Variants in ANKRD11 observed in about 807,000 individuals in gnomAD.
The protein encoded by ANKRD11 is ankyrin repeat domain 11, also known as ankyrin repeat domain-containing protein 11.
A neutral mutation model predicts 195.7 loss-of-function variants in ANKRD11; 17 were observed. That is an observed-to-expected ratio of 0.09 (90% CI 0.06 to 0.13). The LOEUF (loss-of-function observed/expected upper bound fraction) is 0.13. ANKRD11 is among the 10% of genes least tolerant of loss of function. The pLI, the probability that ANKRD11 is intolerant of heterozygous loss-of-function variation, is 1.00. For missense variants in ANKRD11, 3,735 were observed against 3,566.1 expected, an observed-to-expected ratio of 1.05 and a Z score of -1.21; for synonymous variants, 1,953 against 1,528.1, an observed-to-expected ratio of 1.28 and a Z score of -6.49.
intron 1 of ANKRD11, among the ~76,000 whole-genome samples, chr16:89,455,731 C>T (rs1218691941): frequency 6.6e-6 from 1 of 152,186 alleles, no homozygotes; most frequent in Admixed American, 6.5e-5. Context: ...AAGAGTGCCG[C>T]AGACTCAATT....
intron 1 of ANKRD11, among the ~76,000 whole-genome samples, chr16:89,486,902 G>C (rs1434234090): frequency 1.3e-5 from 2 of 151,864 alleles, no homozygotes; most frequent in Admixed American, 6.6e-5. Context: ...CCAGCTACTT[G>C]GGAGGCTGAG....
At chr16:89,369,615 G>T (rs1297743486) in intron 2 of ANKRD11, among the ~76,000 whole-genome samples, 1 of 151,788 alleles carries the variant, frequency 6.6e-6, no homozygotes, top group Non-Finnish European at 1.5e-5. Context: ...TGGAAAGGGA[G>T]GGGGTGCGGT....
Position 89,282,007 on chromosome 16 carries a change from C to G in ANKRD11, c.4535G>C (p.Arg1512Pro). Residue 1512 changes from arginine to proline, a missense_variant, in exon 9 of 13, where the codon CGC becomes CCC. Physicochemically the swap from Arg to Pro is moderately radical, Grantham distance 103. Transcript: ENST00000301030. ...PATRDKDSPPRVLKDKSRDEG... is the reference protein window; with the variant it reads ...PATRDKDSPPPVLKDKSRDEG... ...GTCCCTGGACTTGTCTTTGAGCACGCGGGGCGGGCTGTCCTTGTCCCTGGT... is the reference window on the plus strand; with the variant it reads ...GTCCCTGGACTTGTCTTTGAGCACGGGGGGCGGGCTGTCCTTGTCCCTGGT... 4 of 1,613,330 alleles carry G rather than the reference C, an allele frequency of 2.5e-6. No homozygotes were observed. The highest frequency in any genetic ancestry group is 1.1e-5 in the South Asian group (1 of 91,076).
chr16:89,278,997 G>A, intron 9 of ANKRD11, 75 bp downstream of exon 9: 11 of 1,582,990 alleles, frequency 6.9e-6, no homozygotes, highest in Non-Finnish European at 8.6e-6. Context: ...AGACGGGCTG[G>A]AGGAAGCCGT....
intron 1 of ANKRD11, among the ~76,000 whole-genome samples, chr16:89,440,801 G>A (rs1480414099): frequency 5.3e-5 from 8 of 152,176 alleles, no homozygotes; most frequent in Admixed American, 2.6e-4. Flanking sequence ...AAGCCTGCCG[G>A]GACTGAAAAT....
chr16:89,419,114 G>C (rs1450812758), intron 1 of ANKRD11, among the ~76,000 whole-genome samples: 2 of 152,176 alleles, frequency 1.3e-5, no homozygotes, highest in Non-Finnish European at 2.9e-5. Context: ...TTTCCACTGA[G>C]TATTTTAAGA....
At position 89,490,444 on chromosome 16, in the gene ANKRD11, C is replaced by A. The variant is rs1203349454; in HGVS notation, c.-344G>T. ...CCCTCGGGCGCGCCCACGGCTCGGG[C>A]GAGAGCCGCGGCTCCCGGTGCGGAC... On this transcript the variant is annotated 5_prime_UTR_variant, in exon 1 of 13. Coordinates refer to ENST00000301030, the MANE Select transcript of ANKRD11 (RefSeq NM_013275.6). The A allele has an allele frequency of 2.8e-6, 1 of 360,410 alleles. No individual in the cohort carries two copies. Among genetic ancestry groups the A allele is most frequent in the South Asian group, 8.2e-5 (1 of 12,152 alleles). 22.3% of individuals were successfully genotyped at this position (360,410 alleles called of 1,614,324 possible).
chr16:89,287,021 T>C (rs1045005913), intron 7 of ANKRD11: 1 of 1,289,598 alleles, frequency 7.8e-7, no homozygotes, highest in Non-Finnish European at 1.0e-6. Flanking sequence ...GAGTTTTCTA[T>C]GGTGACTACA....
chr16:89,288,374 C>T, intron 7 of ANKRD11, 154 bp downstream of exon 7: 1 of 1,232,582 alleles, frequency 8.1e-7, no homozygotes, highest in South Asian at 1.3e-5. Flanking sequence ...TGGGGGCAGA[C>T]AGAGGGCACA....
Position 89,291,314 on chromosome 16 carries a change from G to T in ANKRD11, c.227-131C>A. 8.5e-7 allele frequency: 1 copy of T among 1,181,618 alleles called. No homozygotes were observed. Among genetic ancestry groups the T allele is most frequent in the Non-Finnish European group, 1.2e-6 (1 of 826,124 alleles). The allele number at this position is 1,181,618 out of a possible 1,614,324, so 73.2% of individuals were successfully genotyped here. ...GCTGACAGAGCAGAAAGGAAGGTCTGTGTATGGGGAAAGCACAGCGGTGCT... is the reference window on the plus strand; with the variant it reads ...GCTGACAGAGCAGAAAGGAAGGTCTTTGTATGGGGAAAGCACAGCGGTGCT... On this transcript the variant is annotated intron_variant, in intron 4 of 12. Coordinates refer to ENST00000301030, the MANE Select transcript of ANKRD11 (RefSeq NM_013275.6). This position sits in a 1 kb window ranked among gnomAD's most constrained non-coding sequence, Gnocchi z 5.3.
chr16:89,352,338 A>C (rs2039260653), intron 2 of ANKRD11, among the ~76,000 whole-genome samples: 1 of 151,736 alleles, frequency 6.6e-6, no homozygotes, highest in Non-Finnish European at 1.5e-5. Context: ...GCAAGTCAAG[A>C]AGCCAGGGGT....
rs562436008 is a variant in ANKRD11 at position 89,417,790 on chromosome 16, C to T, written c.-60+494G>A. 6.3e-4 allele frequency among the ~76,000 whole-genome samples: 96 copies of T among 151,676 alleles called. No individual in the cohort carries two copies. The Middle Eastern group carries it at 0.01, about 16-fold the overall frequency. ...CCCAGCAAGACCACCAGGATCCTAA[C>T]GAGCAGAACAGCTCCCAGGATACAG... On this transcript the variant is annotated intron_variant, in intron 2 of 12. Transcript: ENST00000301030.
At chr16:89,392,833 T>G (rs1185762779) in intron 2 of ANKRD11, among the ~76,000 whole-genome samples, 2 of 150,834 alleles carry the variant, frequency 1.3e-5, no homozygotes, top group Non-Finnish European at 2.9e-5. Context: ...AAAAGAAAAC[T>G]GGGAATACAT....
chr16:89,350,640 A>G (rs1440084199), intron 2 of ANKRD11, among the ~76,000 whole-genome samples: 2 of 152,250 alleles, frequency 1.3e-5, no homozygotes, highest in Non-Finnish European at 2.9e-5. Context: ...TCCAGGAAAT[A>G]GGATGACATG....
chr16:89,453,438 T>C (rs1206090638), intron 1 of ANKRD11, among the ~76,000 whole-genome samples: 1 of 152,174 alleles, frequency 6.6e-6, no homozygotes, highest in South Asian at 2.1e-4. Flanking sequence ...AGTACTAATT[T>C]AAGTAGGACA....
intron 12 of ANKRD11, among the ~76,000 whole-genome samples, chr16:89,269,520 A>G (rs1184261368): frequency 6.6e-6 from 1 of 152,032 alleles, no homozygotes; most frequent in African/African-American, 2.4e-5. Flanking sequence ...ATCATATAAT[A>G]CCCTTTGGAT....
intron 9 of ANKRD11, among the ~76,000 whole-genome samples, chr16:89,276,562 C>T (rs1445414854): frequency 6.6e-6 from 1 of 152,194 alleles, no homozygotes; most frequent in African/African-American, 2.4e-5. Context: ...GGGCCTCTGA[C>T]CACACTGCTG....
intron 9 of ANKRD11, among the ~76,000 whole-genome samples, chr16:89,276,664 G>A (rs1246051298): frequency 6.6e-5 from 10 of 152,190 alleles, no homozygotes; most frequent in South Asian, 2.1e-4. Flanking sequence ...TCACCTCCAC[G>A]GCTCCTAAGG....
intron 1 of ANKRD11, among the ~76,000 whole-genome samples, chr16:89,422,575 T>TCG (rs2042561298): frequency 6.6e-6 from 1 of 152,194 alleles, no homozygotes. Flanking sequence ...GCTGACCCAA[T>TCG]CGCACCCCAC....
Sources: gnomAD v4.1 joint callset for allele counts (sites outside exome capture counted in the v4.1 genomes callset) on GRCh38, gnomAD v4.1.1 for gene constraint, Gnocchi (gnomAD v3.1) non-coding constraint, MANE v1.5 for transcripts, NCBI Gene and HGNC (gene_info 2026-07-23, HGNC 2026-07-21) for gene names.